LYRM4: variants seen among roughly 807,000 people sequenced by gnomAD.
LYRM4 encodes LYR motif containing 4.
In LYRM4, 9 loss-of-function variants were observed where a neutral mutation model predicts 11.7. The ratio of observed to expected loss-of-function variants is 0.77; its 90% confidence interval spans 0.46 to 1.34. The LOEUF is 1.34. Ranked by LOEUF, LYRM4 falls within the 40% of genes most tolerant of loss-of-function variation. The pLI, the probability that LYRM4 is intolerant of heterozygous loss-of-function variation, is 0.00. For synonymous variants in LYRM4, 42 were observed against 40.4 expected (o/e 1.04, Z -0.15); for missense variants, 133 against 112.5 (o/e 1.18, Z -0.82).
At chr6:5,154,266 T>C (rs926317025) in intron 2 of LYRM4, among the ~76,000 whole-genome samples, 1 of 152,206 alleles carries the variant, frequency 6.6e-6, no homozygotes, top group Non-Finnish European at 1.5e-5. Context: ...AACATAAAAA[T>C]GTAATGCAGT....
intron 2 of LYRM4, among the ~76,000 whole-genome samples, chr6:5,167,990 C>T (rs1010196364): frequency 5.9e-5 from 9 of 151,576 alleles, no homozygotes; most frequent in East Asian, 3.9e-4. Flanking sequence ...GACACAGGAA[C>T]GGGGTTGCAA....
At chr6:5,040,637 T>C in the LYRM4 span, among the ~76,000 whole-genome samples, 1 of 152,172 alleles carries the variant, frequency 6.6e-6, no homozygotes, top group Non-Finnish European at 1.5e-5. Context: ...CAGCTTCAAC[T>C]TCGAGAATAA....
chr6:5,128,843 C>T (rs946116019), intron 2 of LYRM4, among the ~76,000 whole-genome samples: 1 of 152,150 alleles, frequency 6.6e-6, no homozygotes, highest in Non-Finnish European at 1.5e-5. Context: ...TAGGTGATGC[C>T]GCCAGCACCT....
chr6:5,103,634 T>C (rs71555877), downstream of LYRM4: 71,554 of 128,378 alleles, frequency 0.56, 17,200 homozygotes, highest in East Asian at 0.68. Flanking sequence ...TGAGATATTT[T>C]TTTTTTTTTT....
intron 1 of LYRM4, among the ~76,000 whole-genome samples, chr6:5,224,852 C>T (rs13209775): frequency 0.01 from 1,590 of 151,932 alleles, 30 homozygotes; most frequent in African/African-American, 0.035. Context: ...CCCAGCTACT[C>T]GGTAGGCTGA....
rs1471842711 is a variant in LYRM4, at chr6:5,171,158, TC to T, written c.207+45459del. On this transcript the variant is annotated intron_variant, in intron 2 of 2. Transcript: ENST00000330636. ...TTCATGATAAAAAGATTATGAATAT[TC>T]TTTCTACCCTCAAATATTATTACAA... Among the ~76,000 whole-genome samples the T allele has an allele frequency of 2.6e-5, 4 of 152,306 alleles. No individual in the cohort carries two copies. The East Asian group carries it at 5.8e-4, about 22-fold the overall frequency.
chr6:5,152,341 C>T (rs1012954359), intron 2 of LYRM4, among the ~76,000 whole-genome samples: 4 of 152,122 alleles, frequency 2.6e-5, no homozygotes, highest in African/African-American at 7.2e-5. Context: ...GGCAACTAAG[C>T]GACAACTATG....
At chr6:5,097,043 C>T in the LYRM4 span, among the ~76,000 whole-genome samples, 2 of 152,212 alleles carry the variant, frequency 1.3e-5, no homozygotes, top group African/African-American at 4.8e-5. Context: ...TAACAGAATA[C>T]TTGGAACTGG....
intron 2 of LYRM4, among the ~76,000 whole-genome samples, chr6:5,162,546 G>C (rs1055648624): frequency 9.2e-4 from 114 of 124,172 alleles, no homozygotes; most frequent in Non-Finnish European, 1.3e-3. Context: ...GAGGCAGGTG[G>C]CAGGGGAGAT....
At chr6:5,177,695 A>G (rs1759800896) in intron 2 of LYRM4, among the ~76,000 whole-genome samples, 1 of 152,208 alleles carries the variant, frequency 6.6e-6, no homozygotes, top group Non-Finnish European at 1.5e-5. Context: ...AAAAAATCCA[A>G]CTAGAGTCAC....
At chr6:5,238,463 T>C (rs1482842171) in intron 1 of LYRM4, among the ~76,000 whole-genome samples, 2 of 152,220 alleles carry the variant, frequency 1.3e-5, no homozygotes, top group African/African-American at 4.8e-5. Flanking sequence ...GAGACATCAT[T>C]GATTATCTGA....
At chr6:5,228,727 G>A (rs990370559) in intron 1 of LYRM4, among the ~76,000 whole-genome samples, 1 of 151,940 alleles carries the variant, frequency 6.6e-6, no homozygotes, top group Non-Finnish European at 1.5e-5. Context: ...CTGGCTGGGC[G>A]CAGTGGCTCA....
At chr6:5,062,376 C>T in the LYRM4 span, among the ~76,000 whole-genome samples, 1 of 151,430 alleles carries the variant, frequency 6.6e-6, no homozygotes, top group African/African-American at 2.4e-5. Flanking sequence ...GTTGCCCAGG[C>T]TGGTCTCGAA....
At chr6:5,198,178 A>G (rs184569205) in intron 2 of LYRM4, among the ~76,000 whole-genome samples, 55 of 152,318 alleles carry the variant, frequency 3.6e-4, no homozygotes, top group African/African-American at 1.2e-3. Context: ...AGCCTGGGCA[A>G]CAAGAGTGAG....
rs937244228 is a variant in LYRM4, at chr6:5,218,240, C to T, written c.87-1502G>A. ...TTCTTAATGATCACAGACTGCTCTG[C>T]TTTTAACTTGGAGCACCGGTTAAAG... On this transcript the variant is annotated intron_variant, in intron 1 of 2. Coordinates refer to ENST00000330636, the MANE Select transcript of LYRM4 (RefSeq NM_020408.6). The T allele has an allele frequency of 4.1e-6, 4 of 984,854 alleles. No individual in the cohort carries two copies. The African/African-American group carries it at 5.2e-5, about 13-fold the overall frequency. 61.0% of individuals were successfully genotyped at this position (984,854 alleles called of 1,614,324 possible). A position where few individuals can be genotyped will look rare whatever the true frequency, so the allele number is the denominator to read the frequency against.
intron 2 of LYRM4, among the ~76,000 whole-genome samples, chr6:5,165,375 T>C (rs1012032788): frequency 6.6e-6 from 1 of 151,738 alleles, no homozygotes; most frequent in South Asian, 2.1e-4. Flanking sequence ...TTTTGCAGAT[T>C]AGTTACACAA....
chr6:5,160,592 G>T (rs1758696656), intron 2 of LYRM4, among the ~76,000 whole-genome samples: 1 of 151,896 alleles, frequency 6.6e-6, no homozygotes, highest in Non-Finnish European at 1.5e-5. Flanking sequence ...ATGCTCTCTT[G>T]CCTGCTGCCA....
At chr6:5,062,930 A>G in the LYRM4 span, among the ~76,000 whole-genome samples, 4 of 152,104 alleles carry the variant, frequency 2.6e-5, no homozygotes, top group Non-Finnish European at 4.4e-5. Flanking sequence ...TCACACTGGC[A>G]AGGGCCCTTG....
intron 2 of LYRM4, among the ~76,000 whole-genome samples, chr6:5,153,390 G>A (rs369145067): frequency 6.9e-4 from 105 of 152,252 alleles, no homozygotes; most frequent in South Asian, 4.1e-3. Flanking sequence ...CACACCTGGC[G>A]CCCTTGCTAA....
Sources: allele counts gnomAD v4.1 joint callset (sites outside exome capture counted in the v4.1 genomes callset), GRCh38; gene constraint gnomAD v4.1.1; transcripts MANE v1.5; gene names NCBI Gene and HGNC (gene_info 2026-07-23, HGNC 2026-07-21).